Variants in RANBP2 observed in about 807,000 individuals in gnomAD.
The protein encoded by RANBP2 is E3 SUMO-protein ligase RanBP2.
RANBP2 carries 57 observed loss-of-function variants against 303.6 expected under a neutral mutation model. The ratio of observed to expected loss-of-function variants is 0.19; its 90% CI spans 0.15 to 0.23. The LOEUF (loss-of-function observed/expected upper bound fraction) is 0.23. Ranked by LOEUF, RANBP2 falls within the 10% of genes least tolerant of loss-of-function variation. The probability of loss-of-function intolerance (pLI) is 1.00; values close to 1 mark genes in which losing one functional copy is unlikely to be tolerated. For synonymous variants in RANBP2, 1,167 were observed against 1,301.5 expected (o/e 0.90, Z 2.23); for missense variants, 3,138 against 3,780.8 (o/e 0.83, Z 4.46).
chr2:109,160,545 T>G, the RANBP2 span, among the ~76,000 whole-genome samples: 5 of 152,220 alleles, frequency 3.3e-5, no homozygotes, highest in African/African-American at 1.2e-4. Flanking sequence ...TGTGCCTCTC[T>G]GGCTTAATCT....
At chr2:109,561,756 G>A in the RANBP2 span, among the ~76,000 whole-genome samples, 1 of 152,226 alleles carries the variant, frequency 6.6e-6, no homozygotes, top group Admixed American at 6.5e-5. Context: ...CCATTTTCTA[G>A]GTCAAAGTGG....
chr2:108,885,767 C>T, the RANBP2 span, among the ~76,000 whole-genome samples: 1 of 152,184 alleles, frequency 6.6e-6, no homozygotes, highest in Admixed American at 6.5e-5. Context: ...TTCCTCCCAC[C>T]ACTCATGATT....
At chr2:108,980,048 C>A in the RANBP2 span, among the ~76,000 whole-genome samples, 1 of 143,068 alleles carries the variant, frequency 7.0e-6, no homozygotes, top group African/African-American at 2.6e-5. Context: ...ACCATGGACA[C>A]ACTCACACTT....
the RANBP2 span, chr2:108,930,338 T>A: frequency 6.8e-7 from 1 of 1,462,658 alleles, no homozygotes. Flanking sequence ...GGGGGTGCCC[T>A]GCGGTGGGGG....
chr2:109,039,828 C>T, the RANBP2 span, among the ~76,000 whole-genome samples: 15 of 151,808 alleles, frequency 9.9e-5, no homozygotes, highest in African/African-American at 3.4e-4. Context: ...TTATGTGTAT[C>T]TTTTTTGTAA....
At chr2:108,806,655 G>C in the RANBP2 span, among the ~76,000 whole-genome samples, 6 of 152,266 alleles carry the variant, frequency 3.9e-5, no homozygotes, top group South Asian at 1.2e-3. Context: ...GTTCCAAAAC[G>C]ACTGTATTCA....
the RANBP2 span, among the ~76,000 whole-genome samples, chr2:108,897,394 G>A: frequency 3.9e-5 from 6 of 152,054 alleles, no homozygotes; most frequent in East Asian, 1.9e-4. Flanking sequence ...TAAGGCAAAC[G>A]ACACCTAGAA....
the RANBP2 span, among the ~76,000 whole-genome samples, chr2:109,491,361 C>T: frequency 3.9e-5 from 6 of 152,158 alleles, no homozygotes; most frequent in African/African-American, 1.2e-4. Context: ...TCAACCCACT[C>T]GGCGTCTTAG....
the RANBP2 span, among the ~76,000 whole-genome samples, chr2:109,505,057 C>G: frequency 2.0e-5 from 3 of 152,216 alleles, no homozygotes; most frequent in Non-Finnish European, 4.4e-5. Flanking sequence ...ACCTCGGAGA[C>G]CAGCACTCTC....
At chr2:109,121,713 T>C in the RANBP2 span, among the ~76,000 whole-genome samples, 1 of 152,128 alleles carries the variant, frequency 6.6e-6, no homozygotes, top group Non-Finnish European at 1.5e-5. Context: ...AACCAGGGGT[T>C]ACTCTTCTCC....
At chr2:109,604,097 G>A in the RANBP2 span, among the ~76,000 whole-genome samples, 1 of 146,988 alleles carries the variant, frequency 6.8e-6, no homozygotes. Flanking sequence ...GGGAGGTGGA[G>A]ATTGCAGTGA....
the RANBP2 span, among the ~76,000 whole-genome samples, chr2:109,577,665 C>T: frequency 1.3e-5 from 2 of 151,278 alleles, no homozygotes; most frequent in African/African-American, 2.4e-5. Context: ...GCAATCCCAG[C>T]ACTTTGGGAG....
the RANBP2 span, among the ~76,000 whole-genome samples, chr2:109,467,952 G>A: frequency 2.0e-5 from 3 of 152,198 alleles, no homozygotes; most frequent in Admixed American, 2.0e-4. Context: ...ACCTCCATGC[G>A]GGCTGCTGGG....
chr2:109,103,132 T>A, the RANBP2 span, among the ~76,000 whole-genome samples: 1 of 152,048 alleles, frequency 6.6e-6, no homozygotes, highest in Non-Finnish European at 1.5e-5. Flanking sequence ...GGCTGACGAG[T>A]CCCCTGGTGG....
chr2:108,768,694 A>T (rs1380352545), intron 20 of RANBP2, among the ~76,000 whole-genome samples: 1 of 152,218 alleles, frequency 6.6e-6, no homozygotes, highest in East Asian at 1.9e-4. Context: ...GTCTTTTTTT[A>T]AAGTGTTCAT....
At chr2:108,838,377 C>T in the RANBP2 span, among the ~76,000 whole-genome samples, 3,055 of 152,156 alleles carry the variant, frequency 0.02, 98 homozygotes, top group African/African-American at 0.07. Context: ...ATCATTAGTC[C>T]GGAGAATCTT....
chr2:108,790,780 C>T (rs912219794), downstream of RANBP2, among the ~76,000 whole-genome samples: 4 of 152,010 alleles, frequency 2.6e-5, no homozygotes, highest in South Asian at 4.2e-4. Flanking sequence ...TTGCAGGGGG[C>T]GAGCCTGTTG....
the RANBP2 span, among the ~76,000 whole-genome samples, chr2:109,063,752 T>C: frequency 6.6e-6 from 1 of 151,582 alleles, no homozygotes; most frequent in Non-Finnish European, 1.5e-5. Context: ...ATCTAGTTAG[T>C]GGCTTGAGTT....
chr2:109,501,659 C>G, the RANBP2 span: 1 of 768,076 alleles, frequency 1.3e-6, no homozygotes, highest in Non-Finnish European at 2.4e-6. Flanking sequence ...GCAGCTTCGT[C>G]GAGAGCTTCT....
Sources: allele counts gnomAD v4.1 joint callset (sites outside exome capture counted in the v4.1 genomes callset), GRCh38; gene constraint gnomAD v4.1.1; transcripts MANE v1.5; gene names NCBI Gene and HGNC (gene_info 2026-07-23, HGNC 2026-07-21).